The following LINGO2 variants were observed in gnomAD, a reference collection of about 807,000 sequenced individuals.
The protein encoded by LINGO2 is leucine rich repeat and Ig domain containing 2.
In LINGO2, 14 loss-of-function variants were observed where a neutral mutation model predicts 30.6. The ratio of observed to expected loss-of-function variants is 0.46; its 90% CI spans 0.30 to 0.72. The LOEUF is 0.72. Ranked by LOEUF, LINGO2 falls within the 30% of genes least tolerant of loss-of-function variation. The probability of loss-of-function intolerance (pLI) is 0.07; values close to 1 mark genes in which losing one functional copy is unlikely to be tolerated. For missense variants in LINGO2, 729 were observed against 751.7 expected, an observed-to-expected ratio of 0.97 and a Z score of 0.35; for synonymous variants, 317 against 288.5, an observed-to-expected ratio of 1.10 and a Z score of -1.00.
chr9:28,004,386 A>T lies in LINGO2; in HGVS notation c.-36+7969T>A, dbSNP rs530414501. Among the ~76,000 whole-genome samples the T allele has an allele frequency of 2.0e-5, 3 of 152,350 alleles. No homozygotes were observed. In the South Asian group the frequency reaches 6.2e-4, roughly 32 times the overall value. ...ATTTTTTTCTCTCACAGCTTAAAGC[A>T]CAGTATTGTACAAATAGTATATGCT... On this transcript the variant is annotated intron_variant, in intron 5 of 5. Transcript: ENST00000379992.
the LINGO2 span, among the ~76,000 whole-genome samples, chr9:28,988,055 G>GTTGTTC: frequency 6.6e-6 from 1 of 152,158 alleles, no homozygotes; most frequent in African/African-American, 2.4e-5. Context: ...CATTTGGCCT[G>GTTGTTC]AAGTGTTGTT....
chr9:28,371,222 A>T (rs1820882587), intron 3 of LINGO2, among the ~76,000 whole-genome samples: 1 of 152,186 alleles, frequency 6.6e-6, no homozygotes, highest in Non-Finnish European at 1.5e-5. Flanking sequence ...CAGTGTGGAG[A>T]TGATAGCTCC....
At chr9:28,737,273 A>G in the LINGO2 span, among the ~76,000 whole-genome samples, 1 of 152,206 alleles carries the variant, frequency 6.6e-6, no homozygotes, top group East Asian at 1.9e-4. Context: ...GGTGCCAGAT[A>G]TGTGATACTA....
At chr9:27,964,355 T>G (rs1407243034) in intron 5 of LINGO2, among the ~76,000 whole-genome samples, 1 of 152,120 alleles carries the variant, frequency 6.6e-6, no homozygotes, top group African/African-American at 2.4e-5. Flanking sequence ...ATTAGCTATA[T>G]GCTGATTACC....
At chr9:28,105,761 C>G (rs541042501) in intron 4 of LINGO2, among the ~76,000 whole-genome samples, 22 of 152,192 alleles carry the variant, frequency 1.4e-4, no homozygotes, top group African/African-American at 4.8e-4. Context: ...CACACATGCA[C>G]TGAAGAAAGG....
chr9:28,117,265 C>A (rs577281328), intron 4 of LINGO2, among the ~76,000 whole-genome samples: 2 of 151,396 alleles, frequency 1.3e-5, no homozygotes, highest in Non-Finnish European at 3.0e-5. Context: ...GCAGTCTGCC[C>A]GTTCTCAGAT....
chr9:28,717,315 C>T, the LINGO2 span, among the ~76,000 whole-genome samples: 1 of 145,538 alleles, frequency 6.9e-6, no homozygotes, highest in African/African-American at 2.5e-5. Flanking sequence ...TTCCCATGGC[C>T]ACAACTTGAT....
the LINGO2 span, among the ~76,000 whole-genome samples, chr9:29,151,328 C>G: frequency 1.3e-5 from 2 of 152,072 alleles, no homozygotes; most frequent in Non-Finnish European, 2.9e-5. Context: ...CACACAGACA[C>G]TATAAAGCAA....
intron 3 of LINGO2, among the ~76,000 whole-genome samples, chr9:28,352,142 T>G (rs1348060800): frequency 1.3e-5 from 2 of 151,144 alleles, no homozygotes; most frequent in Admixed American, 6.6e-5. Flanking sequence ...TGTTGGAAGT[T>G]CTGGCCAGGG....
At chr9:29,056,446 T>C in the LINGO2 span, among the ~76,000 whole-genome samples, 2 of 152,286 alleles carry the variant, frequency 1.3e-5, no homozygotes, top group South Asian at 4.1e-4. Context: ...TGGGATTATT[T>C]TTTTCTTGCT....
chr9:27,973,773 A>T (rs1368512297), intron 5 of LINGO2, among the ~76,000 whole-genome samples: 2 of 152,068 alleles, frequency 1.3e-5, no homozygotes, highest in East Asian at 3.9e-4. Context: ...AAAAAATGTT[A>T]CTTTAAGAAT....
intron 5 of LINGO2, among the ~76,000 whole-genome samples, chr9:27,987,127 A>G (rs913222705): frequency 7.9e-5 from 12 of 151,818 alleles, no homozygotes; most frequent in Non-Finnish European, 1.5e-4. Context: ...ACCAACCTTC[A>G]AGGGGTACTT....
intron 4 of LINGO2, among the ~76,000 whole-genome samples, chr9:28,257,822 T>C (rs1169144894): frequency 6.6e-6 from 1 of 151,952 alleles, no homozygotes; most frequent in African/African-American, 2.4e-5. Flanking sequence ...TGGTCTGTTA[T>C]GGTTGTTCCA....
the LINGO2 span, among the ~76,000 whole-genome samples, chr9:29,130,167 T>C: frequency 6.6e-6 from 1 of 152,190 alleles, no homozygotes; most frequent in African/African-American, 2.4e-5. Context: ...AATTGAACTT[T>C]ACCCATCAGT....
the LINGO2 span, among the ~76,000 whole-genome samples, chr9:29,130,985 T>A: frequency 6.6e-6 from 1 of 152,268 alleles, no homozygotes. Context: ...TAAGCAGCTG[T>A]TCAAAAGACA....
chr9:28,300,072 T>C (rs1158648725), intron 3 of LINGO2, among the ~76,000 whole-genome samples: 1 of 149,744 alleles, frequency 6.7e-6, no homozygotes, highest in Non-Finnish European at 1.5e-5. Context: ...CAGTTTTAAA[T>C]GAATTTAATT....
chr9:28,123,780 C>T (rs1282797617), intron 4 of LINGO2, among the ~76,000 whole-genome samples: 2 of 151,958 alleles, frequency 1.3e-5, no homozygotes, highest in African/African-American at 4.8e-5. Context: ...TTTCCTGCCT[C>T]AGCCTCCTGA....
intron 2 of LINGO2, among the ~76,000 whole-genome samples, chr9:28,464,583 G>T (rs1266782791): frequency 6.6e-6 from 1 of 152,090 alleles, no homozygotes; most frequent in Non-Finnish European, 1.5e-5. Context: ...GACATCTGGG[G>T]TATAATTTCA....
the LINGO2 span, among the ~76,000 whole-genome samples, chr9:29,157,291 A>G: frequency 4.6e-5 from 7 of 152,152 alleles, no homozygotes; most frequent in East Asian, 7.7e-4. Context: ...GTTCAACTAC[A>G]TAAGTACGGT....
Sources: gnomAD v4.1 joint callset for allele counts (sites outside exome capture counted in the v4.1 genomes callset) on GRCh38, gnomAD v4.1.1 for gene constraint, MANE v1.5 for transcripts, NCBI Gene and HGNC (gene_info 2026-07-23, HGNC 2026-07-21) for gene names.